OCIAD1: variants seen among roughly 807,000 people sequenced by gnomAD.
The protein encoded by OCIAD1 is OCIA domain-containing protein 1.
OCIAD1 carries 29 observed loss-of-function variants against 38.9 expected under a neutral mutation model. The ratio of observed to expected loss-of-function variants is 0.74; its 90% CI spans 0.55 to 1.02. The LOEUF (loss-of-function observed/expected upper bound fraction) is 1.02, where lower values mean the gene tolerates loss of function less well. Among genes scored for constraint, OCIAD1 ranks in the 50% least tolerant of loss-of-function variants. The pLI is 0.00. For synonymous variants in OCIAD1, 110 were observed against 92.0 expected (o/e 1.20, Z -1.12); for missense variants, 288 against 289.6 (o/e 0.99, Z 0.04).
chr4:48,810,241 G>T (rs1381788283), intron 1 of OCIAD1, among the ~76,000 whole-genome samples: 1 of 151,648 alleles, frequency 6.6e-6, no homozygotes, highest in African/African-American at 2.4e-5. Flanking sequence ...AGGCCGAGGC[G>T]GGTGGATCAC....
intron 1 of OCIAD1, among the ~76,000 whole-genome samples, chr4:48,809,422 G>A (rs1777063298): frequency 6.6e-6 from 1 of 152,076 alleles, no homozygotes; most frequent in African/African-American, 2.4e-5. Context: ...TACTTAGGGA[G>A]GCTGAGGCAG....
intron 3 of OCIAD1, 35 bp from the exon 4 acceptor site, chr4:48,842,601 T>C: frequency 7.0e-7 from 1 of 1,430,348 alleles, no homozygotes; most frequent in South Asian, 1.3e-5. Flanking sequence ...TCTTTTACTT[T>C]TGTTGATGTT....
Position 48,809,512 on chromosome 4 carries a change from TGA to T in OCIAD1, c.-103+4185_-103+4186del, listed in dbSNP as rs1390298998. 2.1e-4 allele frequency among the ~76,000 whole-genome samples: 32 copies of T among 151,786 alleles called. No homozygotes were observed. The Middle Eastern group carries it at 0.01, about 48-fold the overall frequency. On this transcript the variant is annotated intron_variant, in intron 1 of 6. Transcript: ENST00000504654. The stretch of plus-strand genomic sequence containing the variant: ...CTGCACTCTGGCCTGGGTGACAGAG[TGA>T]GACTCTGTCTCAAAATAAATAAATA...
chr4:48,835,724 T>G (rs1392682192), intron 3 of OCIAD1, among the ~76,000 whole-genome samples: 2 of 152,158 alleles, frequency 1.3e-5, no homozygotes, highest in African/African-American at 2.4e-5. Context: ...CATGAGCCAC[T>G]GAACCTGGCC....
At chr4:48,813,796 A>G (rs1294533598) in intron 1 of OCIAD1, among the ~76,000 whole-genome samples, 1 of 152,226 alleles carries the variant, frequency 6.6e-6, no homozygotes, top group Non-Finnish European at 1.5e-5. Context: ...AAAGTTTTAA[A>G]AACTTTTTTT....
chr4:48,823,371 C>T (rs1777213538), intron 1 of OCIAD1, among the ~76,000 whole-genome samples: 1 of 151,722 alleles, frequency 6.6e-6, no homozygotes, highest in Admixed American at 6.6e-5. Flanking sequence ...AGGGGAACAT[C>T]ACACACCGGG....
chr4:48,836,588 A>G (rs1182404878), intron 3 of OCIAD1, among the ~76,000 whole-genome samples: 2 of 152,208 alleles, frequency 1.3e-5, no homozygotes, highest in Non-Finnish European at 2.9e-5. Context: ...AAAACTGATA[A>G]TAGTTTCTGC....
At chr4:48,821,370 T>C (rs1001297693) in intron 1 of OCIAD1, among the ~76,000 whole-genome samples, 1 of 152,172 alleles carries the variant, frequency 6.6e-6, no homozygotes, top group African/African-American at 2.4e-5. Flanking sequence ...TTAAAAACTC[T>C]CAATAAACTA....
chr4:48,833,324 G>GCC (rs1777696039), intron 2 of OCIAD1, 77 bp from the exon 3 acceptor site: 1 of 867,916 alleles, frequency 1.2e-6, no homozygotes, highest in African/African-American at 1.7e-5. Context: ...TCTTGTTAAT[G>GCC]TTTAGGCTAA....
chr4:48,817,242 T>C (rs1478511882), intron 1 of OCIAD1, among the ~76,000 whole-genome samples: 2 of 152,030 alleles, frequency 1.3e-5, no homozygotes, highest in Non-Finnish European at 2.9e-5. Flanking sequence ...GCTACCCAGC[T>C]GGGTTACTAC....
intron 4 of OCIAD1, among the ~76,000 whole-genome samples, chr4:48,847,564 C>T (rs1779076423): frequency 6.6e-6 from 1 of 152,070 alleles, no homozygotes. Context: ...ATTTTTAAGC[C>T]ATCTGGATTA....
chr4:48,833,418 A>C lies in OCIAD1; in HGVS notation c.76A>C (p.Ile26Leu), dbSNP rs766110527. 2.5e-6 allele frequency: 4 copies of C among 1,601,602 alleles called. No individual in the cohort carries two copies. Among genetic ancestry groups the C allele is most frequent in the Non-Finnish European group, 3.4e-6 (4 of 1,169,448 alleles). The change falls in exon 3 of 9, where the codon ATT becomes CTT. Residue 26 changes from isoleucine (I) to leucine (L), a missense_variant. Transcript: ENST00000264312. ...GTAAAAAGACATAGGGCCTGATTAC[A>C]TTCCAACAGAGGAAGAAAGGAGAGT... ...RPIPHIGPDY[I>L]PTEEERRVFA... is the part of the protein sequence containing the mutation.
At chr4:48,814,133 C>T (rs1777119073) in intron 1 of OCIAD1, among the ~76,000 whole-genome samples, 2 of 151,900 alleles carry the variant, frequency 1.3e-5, no homozygotes, top group Admixed American at 1.3e-4. Context: ...AGAAAAGGCA[C>T]AGCAGATGTG....
chr4:48,814,131 C>T (rs927210529), intron 1 of OCIAD1, among the ~76,000 whole-genome samples: 5 of 151,958 alleles, frequency 3.3e-5, no homozygotes. Context: ...ATAGAAAAGG[C>T]ACAGCAGATG....
chr4:48,853,558 G>A (rs1478139599), intron 7 of OCIAD1, among the ~76,000 whole-genome samples: 1 of 152,122 alleles, frequency 6.6e-6, no homozygotes, highest in East Asian at 1.9e-4. Flanking sequence ...GGTATACAGT[G>A]GAAAGGGAGA....
intron 4 of OCIAD1, among the ~76,000 whole-genome samples, chr4:48,846,989 CT>C (rs112537676): frequency 0.028 from 4,308 of 152,178 alleles, 211 homozygotes; most frequent in African/African-American, 0.098. Flanking sequence ...AATATGGTGC[CT>C]TTTTGATAGA....
chr4:48,810,602 T>A (rs1032780690), intron 1 of OCIAD1, among the ~76,000 whole-genome samples: 1 of 152,134 alleles, frequency 6.6e-6, no homozygotes, highest in African/African-American at 2.4e-5. Flanking sequence ...CTACAATTTA[T>A]TTATTTATTT....
chr4:48,856,397 CTTTTTTTTT>C (rs1316494192), intron 7 of OCIAD1: 1 of 150,708 alleles, frequency 6.6e-6, no homozygotes, highest in Non-Finnish European at 1.5e-5. Flanking sequence ...ACTTTTTTTC[CTTTTTTTTT>C]GAGACAGAGT....
In OCIAD1 at chr4:48,832,289, G is replaced by A. The variant is rs567793609; in HGVS notation, c.-5-331G>A. On this transcript the variant is annotated intron_variant, in intron 1 of 8. Coordinates refer to ENST00000264312, the MANE Select transcript of OCIAD1 (RefSeq NM_017830.4). ...GATTCGAGAAACGACCAAAACATAGGATGTGAAAGAACCCACTTCCAGGAG... is the reference window on the plus strand; with the variant it reads ...GATTCGAGAAACGACCAAAACATAGAATGTGAAAGAACCCACTTCCAGGAG... Among the ~76,000 whole-genome samples the A allele has an allele frequency of 7.6e-4, 116 of 152,240 alleles. No homozygotes were observed. In the Middle Eastern group the frequency reaches 0.014, roughly 18 times the overall value.
Sources: allele counts gnomAD v4.1 joint callset (sites outside exome capture counted in the v4.1 genomes callset), GRCh38; gene constraint gnomAD v4.1.1; transcripts MANE v1.5; gene names NCBI Gene and HGNC (gene_info 2026-07-23, HGNC 2026-07-21).